Variants in TMEM45A observed in about 807,000 individuals in gnomAD.
The protein encoded by TMEM45A is DNA polymerase-transactivated protein 4.
TMEM45A carries 25 observed loss-of-function variants against 32.0 expected under a neutral mutation model. That is an observed-to-expected ratio of 0.78 (90% CI 0.57 to 1.09). The LOEUF is 1.09. TMEM45A is among the 50% of genes least tolerant of loss of function. The pLI, the probability that TMEM45A is intolerant of heterozygous loss-of-function variation, is 0.00. For missense variants in TMEM45A, 302 were observed against 325.0 expected, an observed-to-expected ratio of 0.93 and a Z score of 0.54; for synonymous variants, 122 against 114.8, an observed-to-expected ratio of 1.06 and a Z score of -0.40.
intron 1 of TMEM45A, among the ~76,000 whole-genome samples, chr3:100,513,856 T>C (rs1416834880): frequency 6.6e-6 from 1 of 152,094 alleles, no homozygotes; most frequent in Non-Finnish European, 1.5e-5. Flanking sequence ...AGCCAAATCA[T>C]GAATTAACTC....
chr3:100,541,775 C>T (rs374864770), intron 1 of TMEM45A, among the ~76,000 whole-genome samples: 9 of 152,092 alleles, frequency 5.9e-5, no homozygotes, highest in African/African-American at 9.7e-5. Flanking sequence ...GAGCAGTCTG[C>T]CCACCTAGGC....
intron 1 of TMEM45A, among the ~76,000 whole-genome samples, chr3:100,493,797 T>A (rs1401160680): frequency 6.6e-6 from 1 of 152,190 alleles, no homozygotes; most frequent in East Asian, 1.9e-4. Flanking sequence ...AATGGCACGA[T>A]CTCGGCTTAC....
intron 1 of TMEM45A, among the ~76,000 whole-genome samples, chr3:100,497,037 C>A (rs1162716860): frequency 6.6e-6 from 1 of 152,172 alleles, no homozygotes; most frequent in African/African-American, 2.4e-5. Context: ...TAATCATACC[C>A]ATTCTGGATT....
At chr3:100,517,064 T>G (rs2148943912) in intron 1 of TMEM45A, among the ~76,000 whole-genome samples, 1 of 152,284 alleles carries the variant, frequency 6.6e-6, no homozygotes, top group East Asian at 1.9e-4. Context: ...TCTCAATCAC[T>G]GATGGTGCTG....
chr3:100,576,199 C>T (rs1454566888), intron 5 of TMEM45A, among the ~76,000 whole-genome samples: 3 of 152,022 alleles, frequency 2.0e-5, no homozygotes, highest in African/African-American at 4.8e-5. Flanking sequence ...GCCTGTAATC[C>T]CAGCACTTTG....
chr3:100,569,749 T>TA (rs1469626244), intron 5 of TMEM45A, among the ~76,000 whole-genome samples: 21 of 152,042 alleles, frequency 1.4e-4, no homozygotes, highest in Admixed American at 6.6e-5. Flanking sequence ...CTCTTTGGCA[T>TA]AAAAAAAATG....
intron 1 of TMEM45A, among the ~76,000 whole-genome samples, chr3:100,493,310 G>A (rs1302524995): frequency 6.6e-6 from 1 of 151,804 alleles, no homozygotes; most frequent in Non-Finnish European, 1.5e-5. Flanking sequence ...CCAACTCTGG[G>A]ACTGTTTTGA....
At chr3:100,506,849 G>T (rs763308210) in intron 1 of TMEM45A, among the ~76,000 whole-genome samples, 2 of 152,186 alleles carry the variant, frequency 1.3e-5, no homozygotes, top group South Asian at 4.1e-4. Context: ...GACCAAACCA[G>T]GCAGGCCAAG....
rs2148984796 is a variant in TMEM45A, at chr3:100,558,523, G to A, written c.522G>A (p.Arg174=). 2 of 1,614,128 alleles carry A rather than the reference G, an allele frequency of 1.2e-6. No homozygotes were observed. Among genetic ancestry groups the A allele is most frequent in the East Asian group, 4.5e-5 (2 of 44,884 alleles). Residue 174 remains arginine, a synonymous_variant, in exon 4 of 6, where the codon CGG becomes CGA. Coordinates refer to ENST00000323523, the MANE Select transcript of TMEM45A (RefSeq NM_018004.3). ...TTGCCTTCCTAGAGTTCCTTGTTCG[G>A]AACAATGTACTTCTGGAGCTATTGC... The part of the protein sequence containing the change: ...GLVAFLEFLV[R]NNVLLELLRS...
Position 100,568,803 on chromosome 3 carries a change from T to C in TMEM45A, c.589-19T>C. 1 of 1,582,302 alleles carries C rather than the reference T, an allele frequency of 6.3e-7. No homozygotes were observed. The highest frequency in any genetic ancestry group is 8.6e-7 in the Non-Finnish European group (1 of 1,158,734). ...TGTGATTGGTTATTTTAATATATGCTTTTTGTTCTAAATTACAGATTGGAT... is the reference window on the plus strand; with the variant it reads ...TGTGATTGGTTATTTTAATATATGCCTTTTGTTCTAAATTACAGATTGGAT... On this transcript the variant is annotated intron_variant, in intron 4 of 5. Transcript: ENST00000323523.
chr3:100,556,454 T>C (rs1226866722), intron 2 of TMEM45A, among the ~76,000 whole-genome samples: 10 of 152,242 alleles, frequency 6.6e-5, no homozygotes, highest in African/African-American at 2.4e-4. Context: ...CTCCAAATAA[T>C]TCAGGATGTA....
chr3:100,550,258 G>A lies in TMEM45A; in HGVS notation c.-3-4951G>A, dbSNP rs1007859890. The stretch of plus-strand genomic sequence containing the variant: ...AGAGAATTGAGTTGGACTTGACATT[G>A]AGGAAAGTGTGAAGGTAAGGATACT... On this transcript the variant is annotated intron_variant, in intron 1 of 5. Coordinates refer to ENST00000323523, the MANE Select transcript of TMEM45A (RefSeq NM_018004.3). 2.6e-5 allele frequency among the ~76,000 whole-genome samples: 4 copies of A among 151,602 alleles called. No individual in the cohort carries two copies. The East Asian group carries it at 7.7e-4, about 29-fold the overall frequency.
chr3:100,573,176 A>G (rs1453054018), intron 5 of TMEM45A: 2 of 150,510 alleles, frequency 1.3e-5, no homozygotes, highest in Non-Finnish European at 3.0e-5. Flanking sequence ...CATTGAATCT[A>G]TAAATTACCT....
intron 1 of TMEM45A, among the ~76,000 whole-genome samples, chr3:100,532,569 C>T (rs1010816559): frequency 1.3e-5 from 2 of 152,138 alleles, no homozygotes; most frequent in African/African-American, 2.4e-5. Context: ...GTTTTATTTT[C>T]CTAGGATAAT....
intron 1 of TMEM45A, among the ~76,000 whole-genome samples, chr3:100,538,649 C>A (rs1705789143): frequency 6.6e-6 from 1 of 152,120 alleles, no homozygotes; most frequent in Admixed American, 6.5e-5. Flanking sequence ...CATAATTGTT[C>A]ATGTAGAAAA....
At chr3:100,517,086 A>G (rs1432308410) in intron 1 of TMEM45A, among the ~76,000 whole-genome samples, 1 of 151,432 alleles carries the variant, frequency 6.6e-6, no homozygotes, top group Non-Finnish European at 1.5e-5. Context: ...ATCATGAGGC[A>G]TATTGCCAGA....
At chr3:100,543,147 C>A (rs1247876380) in intron 1 of TMEM45A, among the ~76,000 whole-genome samples, 1 of 152,102 alleles carries the variant, frequency 6.6e-6, no homozygotes, top group African/African-American at 2.4e-5. Context: ...AAAATTCATT[C>A]CTGTTTGTAA....
At chr3:100,561,814 A>T (rs901936255) in intron 4 of TMEM45A, among the ~76,000 whole-genome samples, 1 of 152,116 alleles carries the variant, frequency 6.6e-6, no homozygotes, top group African/African-American at 2.4e-5. Context: ...AGTTGCTTCC[A>T]CTGCATCTCC....
chr3:100,507,803 C>A (rs1285120432), intron 1 of TMEM45A, among the ~76,000 whole-genome samples: 1 of 151,956 alleles, frequency 6.6e-6, no homozygotes, highest in African/African-American at 2.4e-5. Flanking sequence ...TCAGTATGGA[C>A]TAGAGGAGCT....
Sources: gnomAD v4.1 joint callset for allele counts (sites outside exome capture counted in the v4.1 genomes callset) on GRCh38, gnomAD v4.1.1 for gene constraint, MANE v1.5 for transcripts, NCBI Gene and HGNC (gene_info 2026-07-23, HGNC 2026-07-21) for gene names.